Variants in DCAF8L2 observed in about 807,000 individuals in gnomAD.
DCAF8L2 encodes the protein DDB1- and CUL4-associated factor 8-like protein 2.
For missense variants in DCAF8L2, 430 were observed against 490.7 expected, an observed-to-expected ratio of 0.88 and a Z score of 1.17; for synonymous variants, 200 against 190.9, an observed-to-expected ratio of 1.05 and a Z score of -0.39.
At chrX:27,537,044 G>T in the DCAF8L2 span, among the ~76,000 whole-genome samples, 12 of 111,948 alleles carry the variant, frequency 1.1e-4, no homozygotes, top group African/African-American at 3.9e-4. Context: ...ATTTTTATTG[G>T]CAGGTAGAGG....
the DCAF8L2 span, among the ~76,000 whole-genome samples, chrX:27,549,477 C>A: frequency 9.0e-6 from 1 of 110,977 alleles, no homozygotes; most frequent in East Asian, 2.8e-4. Flanking sequence ...TGAGTGAACT[C>A]TTTTTATAAA....
At chrX:27,732,951 G>C (rs5971447) in intron 4 of DCAF8L2, among the ~76,000 whole-genome samples, 9,338 of 110,479 alleles carry the variant, frequency 0.085, 619 homozygotes, top group African/African-American at 0.23. Flanking sequence ...TCCACCTCCC[G>C]GGTTCAAGCG....
At chrX:27,631,093 A>C (rs1928268105) in intron 1 of DCAF8L2, among the ~76,000 whole-genome samples, 1 of 112,012 alleles carries the variant, frequency 8.9e-6, no homozygotes, top group African/African-American at 3.2e-5. Flanking sequence ...GGTTCAATAT[A>C]TGCAGATCAA....
chrX:27,738,863 A>G (rs1921688175), intron 4 of DCAF8L2, among the ~76,000 whole-genome samples: 1 of 111,611 alleles, frequency 9.0e-6, no homozygotes, highest in Admixed American at 9.6e-5. Context: ...CACTTCAGGA[A>G]CAGAAACAGT....
intron 4 of DCAF8L2, among the ~76,000 whole-genome samples, chrX:27,731,932 C>CA (rs765646607): frequency 2.7e-5 from 3 of 111,584 alleles, no homozygotes; most frequent in Non-Finnish European, 3.8e-5. Flanking sequence ...AAATGTTATA[C>CA]AGCTTGCCCA....
the DCAF8L2 span, among the ~76,000 whole-genome samples, chrX:27,552,227 AT>A: frequency 6.3e-5 from 7 of 111,036 alleles, no homozygotes; most frequent in East Asian, 2.0e-3. Context: ...ATTTGCAAAT[AT>A]TTTTCCCATT....
At chrX:27,520,053 GTATTA>G in the DCAF8L2 span, among the ~76,000 whole-genome samples, 3 of 111,401 alleles carry the variant, frequency 2.7e-5, no homozygotes, top group African/African-American at 6.5e-5. Context: ...TCTATTTTAT[GTATTA>G]TATTCACTTG....
chrX:27,471,950 A>G, the DCAF8L2 span, among the ~76,000 whole-genome samples: 1 of 111,825 alleles, frequency 8.9e-6, no homozygotes, highest in Non-Finnish European at 1.9e-5. Context: ...AAATCTATCA[A>G]TTTGGTATCT....
At chrX:27,488,272 T>C in the DCAF8L2 span, among the ~76,000 whole-genome samples, 1 of 111,303 alleles carries the variant, frequency 9.0e-6, no homozygotes, top group Non-Finnish European at 1.9e-5. Flanking sequence ...TTCATATTCT[T>C]ATTTCCCATT....
intron 4 of DCAF8L2, among the ~76,000 whole-genome samples, chrX:27,729,242 T>C (rs1352783167): frequency 9.0e-6 from 1 of 111,653 alleles, no homozygotes; most frequent in African/African-American, 3.3e-5. Flanking sequence ...GGGAAGTAGC[T>C]CTAGTGAGGT....
chrX:27,598,113 C>G (rs1926443161), intron 1 of DCAF8L2, among the ~76,000 whole-genome samples: 1 of 111,443 alleles, frequency 9.0e-6, no homozygotes, highest in African/African-American at 3.3e-5. Context: ...AAATATTCTC[C>G]CTATGGAGGA....
chrX:27,567,292 C>T, the DCAF8L2 span, among the ~76,000 whole-genome samples: 6 of 108,883 alleles, frequency 5.5e-5, no homozygotes, highest in African/African-American at 2.0e-4. Context: ...GATTTTCTGT[C>T]TGGATGTTCT....
In DCAF8L2 at chrX:27,608,709, T is replaced by TC. The variant is rs760892817; in HGVS notation, c.-342+18270dup. On this transcript the variant is annotated intron_variant, in intron 1 of 4. Transcript: ENST00000451261. Reference sequence around the variant, plus strand: ...ATTATCCTGAACATCTTTTTTTTTTTCTCTGTGATGTTTTGCAAATAAGAC... The same window carrying TC: ...ATTATCCTGAACATCTTTTTTTTTTTCCTCTGTGATGTTTTGCAAATAAGAC... 8.9e-3 allele frequency among the ~76,000 whole-genome samples: 988 copies of TC among 110,505 alleles called. 10 individuals carry two copies. The highest frequency in any genetic ancestry group is 0.014 in the Non-Finnish European group (749 of 52,860).
At chrX:27,598,749 C>A (rs1039755534) in intron 1 of DCAF8L2, among the ~76,000 whole-genome samples, 3 of 110,428 alleles carry the variant, frequency 2.7e-5, no homozygotes, top group African/African-American at 9.9e-5. Context: ...ATTAAAGGTT[C>A]TCCTTAACTC....
chrX:27,568,946 A>AACACACACAC, the DCAF8L2 span, among the ~76,000 whole-genome samples: 3 of 86,567 alleles, frequency 3.5e-5, no homozygotes, highest in African/African-American at 1.4e-4. Flanking sequence ...TTGGAACTCA[A>AACACACACAC]ACACACACAC....
intron 4 of DCAF8L2, among the ~76,000 whole-genome samples, chrX:27,721,086 G>C (rs1416282734): frequency 9.0e-6 from 1 of 111,490 alleles, no homozygotes; most frequent in Non-Finnish European, 1.9e-5. Context: ...AGATTTTAAA[G>C]GGTTTTCCAC....
the DCAF8L2 span, among the ~76,000 whole-genome samples, chrX:27,536,030 T>A: frequency 8.9e-6 from 1 of 112,055 alleles, no homozygotes. Flanking sequence ...ATCATCATAA[T>A]TTAAACATTC....
chrX:27,660,795 T>G (rs113491831), intron 2 of DCAF8L2, among the ~76,000 whole-genome samples: 6,900 of 111,691 alleles, frequency 0.062, 223 homozygotes, highest in African/African-American at 0.13. Flanking sequence ...CCGGGGAGCA[T>G]GTACTTTAGT....
chrX:27,680,400 C>T (rs1414032863), intron 3 of DCAF8L2, among the ~76,000 whole-genome samples: 4 of 112,098 alleles, frequency 3.6e-5, no homozygotes, highest in Admixed American at 1.9e-4. Context: ...TTAAAGTAAG[C>T]GTGAGTATGA....
Sources: gnomAD v4.1 joint callset for allele counts (sites outside exome capture counted in the v4.1 genomes callset) on GRCh38, gnomAD v4.1.1 for gene constraint, MANE v1.5 for transcripts, NCBI Gene and HGNC (gene_info 2026-07-23, HGNC 2026-07-21) for gene names.